SORCS3: variants seen among roughly 807,000 people sequenced by gnomAD.
SORCS3 encodes the protein sortilin related VPS10 domain containing receptor 3.
Under a neutral mutation model 146.3 loss-of-function variants are expected in SORCS3, and 57 were observed. That is an observed-to-expected ratio of 0.39 (90% CI 0.31 to 0.49). The LOEUF (loss-of-function observed/expected upper bound fraction) is 0.49. Among genes scored for constraint, SORCS3 ranks in the 20% least tolerant of loss-of-function variants. SORCS3 has a pLI of 0.92. For missense variants in SORCS3, 1,341 were observed against 1,575.5 expected (o/e 0.85, Z 2.52); for synonymous variants, 653 against 618.5 (o/e 1.06, Z -0.83).
intron 14 of SORCS3, among the ~76,000 whole-genome samples, chr10:105,180,080 CAGACCTTGTT>C (rs1472943130): frequency 6.6e-6 from 1 of 152,130 alleles, no homozygotes; most frequent in Admixed American, 6.5e-5. Context: ...TAATATATAT[CAGACCTTGTT>C]AGAACTTAGG....
intron 2 of SORCS3, among the ~76,000 whole-genome samples, chr10:104,904,833 AT>A (rs75591421): frequency 8.8e-4 from 131 of 148,304 alleles, no homozygotes; most frequent in African/African-American, 1.7e-3. Context: ...AATTTTCAGT[AT>A]TTTTTTTTTA....
chr10:105,029,086 T>A (rs2055248369), intron 4 of SORCS3, among the ~76,000 whole-genome samples: 1 of 152,196 alleles, frequency 6.6e-6, no homozygotes, highest in Non-Finnish European at 1.5e-5. Flanking sequence ...TCAAGGCTAC[T>A]CAACCCTGCC....
intron 4 of SORCS3, among the ~76,000 whole-genome samples, chr10:105,032,815 G>A (rs115638435): frequency 1.3e-5 from 2 of 152,132 alleles, no homozygotes; most frequent in Non-Finnish European, 2.9e-5. Flanking sequence ...GAGGAGGCCA[G>A]GAAAGCAGGC....
chr10:104,855,206 T>C (rs1338243823), intron 2 of SORCS3, among the ~76,000 whole-genome samples: 1 of 152,200 alleles, frequency 6.6e-6, no homozygotes, highest in Non-Finnish European at 1.5e-5. Context: ...CCTCTGCCAG[T>C]ACCATCCTCT....
At chr10:105,201,814 C>G (rs929168866) in intron 16 of SORCS3, among the ~76,000 whole-genome samples, 1 of 152,220 alleles carries the variant, frequency 6.6e-6, no homozygotes, top group Non-Finnish European at 1.5e-5. Flanking sequence ...GCTGTCTACT[C>G]AGCATTCATC....
chr10:105,180,703 T>C (rs1481234866), intron 14 of SORCS3, among the ~76,000 whole-genome samples: 1 of 152,146 alleles, frequency 6.6e-6, no homozygotes, highest in African/African-American at 2.4e-5. Context: ...TTGGGGCTTT[T>C]TCTCCAACCT....
chr10:104,926,276 G>A (rs1238919070), intron 3 of SORCS3, among the ~76,000 whole-genome samples: 4 of 152,228 alleles, frequency 2.6e-5, no homozygotes, highest in Non-Finnish European at 5.9e-5. Context: ...GAGAAAGACT[G>A]ATTGTTCTGC....
chr10:105,037,856 CT>C (rs2055316266), intron 4 of SORCS3, among the ~76,000 whole-genome samples: 1 of 152,162 alleles, frequency 6.6e-6, no homozygotes, highest in African/African-American at 2.4e-5. Flanking sequence ...TTTGAACAGG[CT>C]TTCCGGGTAC....
At chr10:104,751,078 A>T (rs898049967) in intron 1 of SORCS3, among the ~76,000 whole-genome samples, 1 of 152,194 alleles carries the variant, frequency 6.6e-6, no homozygotes, top group Admixed American at 6.5e-5. Flanking sequence ...AGAGAGGGCA[A>T]AAAAGAGACA....
chr10:104,860,845 G>T (rs768237974), intron 2 of SORCS3, among the ~76,000 whole-genome samples: 13 of 152,142 alleles, frequency 8.5e-5, no homozygotes, highest in Non-Finnish European at 1.8e-4. Context: ...TCTGATTCTA[G>T]AGCCTGTGCG....
At chr10:104,938,501 T>C (rs2019281686) in intron 3 of SORCS3, among the ~76,000 whole-genome samples, 1 of 152,142 alleles carries the variant, frequency 6.6e-6, no homozygotes, top group African/African-American at 2.4e-5. Context: ...CCATGTTTCC[T>C]TTACACTCCC....
At chr10:105,058,444 T>C (rs1267361108) in intron 5 of SORCS3, among the ~76,000 whole-genome samples, 1 of 152,122 alleles carries the variant, frequency 6.6e-6, no homozygotes, top group African/African-American at 2.4e-5. Context: ...TGGAGTTGGG[T>C]TATATGATTG....
chr10:105,098,394 G>T (rs1343345528), intron 6 of SORCS3, among the ~76,000 whole-genome samples: 1 of 152,180 alleles, frequency 6.6e-6, no homozygotes, highest in African/African-American at 2.4e-5. Flanking sequence ...ATTCCAAAAG[G>T]TATCAAATTG....
chr10:104,858,615 A>G (rs1022145119), intron 2 of SORCS3, among the ~76,000 whole-genome samples: 3 of 150,752 alleles, frequency 2.0e-5, no homozygotes, highest in Non-Finnish European at 4.4e-5. Context: ...ATTTGTTAAG[A>G]GAAGTGTACT....
intron 1 of SORCS3, among the ~76,000 whole-genome samples, chr10:104,768,222 T>C (rs1749407729): frequency 6.6e-6 from 1 of 152,210 alleles, no homozygotes; most frequent in South Asian, 2.1e-4. Context: ...GAAGGCACCA[T>C]GAATCTGCAC....
chr10:104,889,370 T>A (rs902353797), intron 2 of SORCS3, among the ~76,000 whole-genome samples: 6 of 151,884 alleles, frequency 4.0e-5, no homozygotes, highest in Admixed American at 3.9e-4. Flanking sequence ...ATTATTGATG[T>A]TTTAGGTTTA....
In SORCS3 at chr10:104,718,192, G is replaced by A. The variant is rs906122127; in HGVS notation, c.627+76238G>A. Among the ~76,000 whole-genome samples the A allele has an allele frequency of 3.3e-5, 5 of 151,988 alleles. No homozygotes were observed. In the East Asian group the frequency reaches 5.8e-4, roughly 18 times the overall value. On this transcript the variant is annotated intron_variant, in intron 1 of 26. Coordinates refer to ENST00000369701, the MANE Select transcript of SORCS3 (RefSeq NM_014978.3). ...TGAATAAATAAATAAATAAGAGAAA[G>A]AAGTGTATTTGGCTCAAGTTTTGGA...
At chr10:104,856,804 TATTA>T (rs2018339744) in intron 2 of SORCS3, among the ~76,000 whole-genome samples, 1 of 144,770 alleles carries the variant, frequency 6.9e-6, no homozygotes, top group Non-Finnish European at 1.5e-5. Flanking sequence ...TATAAATATA[TATTA>T]ATTATATAAA....
At chr10:104,677,105 C>T (rs1456743236) in intron 1 of SORCS3, among the ~76,000 whole-genome samples, 4 of 152,208 alleles carry the variant, frequency 2.6e-5, no homozygotes, top group Admixed American at 6.5e-5. Context: ...ACAGAATAAG[C>T]GGGTTGAGCA....
Sources: allele counts gnomAD v4.1 joint callset (sites outside exome capture counted in the v4.1 genomes callset), GRCh38; gene constraint gnomAD v4.1.1; transcripts MANE v1.5; gene names NCBI Gene and HGNC (gene_info 2026-07-23, HGNC 2026-07-21).